Variants in ABCB1 observed in about 807,000 individuals in gnomAD.
ABCB1 encodes ATP binding cassette subfamily B member 1.
ABCB1 carries 69 observed loss-of-function variants against 142.0 expected under a neutral mutation model. That is an observed-to-expected ratio of 0.49 (90% CI 0.40 to 0.59). The LOEUF is 0.59. Ranked by LOEUF, ABCB1 falls within the 20% of genes least tolerant of loss-of-function variation. The pLI is 0.00. For synonymous variants in ABCB1, 532 were observed against 539.2 expected, an observed-to-expected ratio of 0.99 and a Z score of 0.18; for missense variants, 1,326 against 1,554.7, an observed-to-expected ratio of 0.85 and a Z score of 2.47.
chr7:87,518,146 C>T (rs2117091353), intron 23 of ABCB1, among the ~76,000 whole-genome samples: 1 of 152,236 alleles, frequency 6.6e-6, no homozygotes, highest in East Asian at 1.9e-4. Context: ...GACTCTATGC[C>T]TATGTTTGTG....
chr7:87,578,780 G>A (rs1383828054), intron 4 of ABCB1, among the ~76,000 whole-genome samples: 14 of 143,622 alleles, frequency 9.7e-5, no homozygotes, highest in African/African-American at 2.3e-4. Flanking sequence ...TGCAAGCTCC[G>A]CCTCCCGGGT....
At chr7:87,602,722 A>G (rs534612692), upstream of ABCB1, among the ~76,000 whole-genome samples, 1 of 152,326 alleles carries the variant, frequency 6.6e-6, no homozygotes, top group African/African-American at 2.4e-5. Context: ...GATCAGAATA[A>G]CACAGATTTT....
chr7:87,593,374 AG>A (rs1218016656), intron 3 of ABCB1, among the ~76,000 whole-genome samples: 71 of 152,352 alleles, frequency 4.7e-4, no homozygotes, highest in African/African-American at 1.7e-3. Flanking sequence ...TTAAAAGGCT[AG>A]TATAGAATTT....
intron 1 of ABCB1, chr7:87,709,563 T>G (rs912494597): frequency 1.2e-5 from 12 of 967,286 alleles, no homozygotes; most frequent in Non-Finnish European, 1.5e-5. Context: ...TTCTTCCCAG[T>G]AGTACTGCTG....
chr7:87,589,837 GGAGA>G (rs1818920616), intron 3 of ABCB1, among the ~76,000 whole-genome samples: 1 of 84,990 alleles, frequency 1.2e-5, no homozygotes, highest in Non-Finnish European at 2.2e-5. Context: ...AGAGAGAGAG[GGAGA>G]GAGGGAGGGA....
rs1488739056 is a variant in ABCB1, at chr7:87,626,116, CAT to C, written c.-330-25040_-330-25039del. Among the ~76,000 whole-genome samples the C allele has an allele frequency of 6.2e-5, 8 of 128,412 alleles. 1 individual carries two copies. The highest frequency in any genetic ancestry group is 1.0e-4 in the Non-Finnish European group (6 of 60,060). 84.2% of individuals were successfully genotyped at this position (128,412 alleles called of 152,430 possible). ...TATATATATTGTCATATATATGTGT[CAT>C]ATATATTGTCATATATATGTGTCAT... On this transcript the variant is annotated intron_variant, in intron 1 of 28. Transcript: ENST00000265724.
rs753252358 is a variant in ABCB1 at position 87,564,691 on chromosome 7, T to A, written c.702+1379A>T. ...CATCCAAAGAATTTAAGAAATTTGT[T>A]TGAAATGATACCAAAAGTGTAATGC... On this transcript the variant is annotated intron_variant, in intron 7 of 27. Coordinates refer to ENST00000622132, the MANE Select transcript of ABCB1 (RefSeq NM_001348946.2). 4.9e-4 allele frequency among the ~76,000 whole-genome samples: 75 copies of A among 152,300 alleles called. 2 individuals are homozygous for A. The highest frequency in any genetic ancestry group is 3.4e-3 in the Middle Eastern group (1 of 294).
chr7:87,710,621 A>AT, intron 1 of ABCB1: 1 of 1,602,988 alleles, frequency 6.2e-7, no homozygotes, highest in Non-Finnish European at 8.5e-7. Context: ...ATCTGAATAC[A>AT]TCTCTACAGC....
chr7:87,592,629 C>T (rs556580626), intron 3 of ABCB1, among the ~76,000 whole-genome samples: 1 of 152,322 alleles, frequency 6.6e-6, no homozygotes, highest in Non-Finnish European at 1.5e-5. Context: ...TGAGTCTACC[C>T]TGCTTAGTAG....
chr7:87,684,479 T>C (rs1357202656), intron 1 of ABCB1, among the ~76,000 whole-genome samples: 1 of 152,078 alleles, frequency 6.6e-6, no homozygotes, highest in Non-Finnish European at 1.5e-5. Context: ...CTTATACGTA[T>C]AGATAAATAG....
chr7:87,657,201 C>T (rs544234815), intron 1 of ABCB1, among the ~76,000 whole-genome samples: 1 of 152,172 alleles, frequency 6.6e-6, no homozygotes, highest in African/African-American at 2.4e-5. Context: ...TAGTGGGTTG[C>T]CTGGATTTAC....
chr7:87,579,295 G>T (rs528797009), intron 4 of ABCB1, among the ~76,000 whole-genome samples: 1 of 151,960 alleles, frequency 6.6e-6, no homozygotes, highest in East Asian at 1.9e-4. Flanking sequence ...TCCTTGTCTT[G>T]TTCCAGATCT....
chr7:87,524,349 A>G (rs898132826), intron 21 of ABCB1, among the ~76,000 whole-genome samples: 3 of 152,322 alleles, frequency 2.0e-5, no homozygotes, highest in South Asian at 2.1e-4. Context: ...TATAAAAATG[A>G]TATATAGTCA....
At chr7:87,606,732 T>G (rs936031561) in intron 1 of ABCB1, among the ~76,000 whole-genome samples, 1 of 151,986 alleles carries the variant, frequency 6.6e-6, no homozygotes, top group Non-Finnish European at 1.5e-5. Context: ...GTGTCAAGAG[T>G]GATTATCTTT....
intron 1 of ABCB1, among the ~76,000 whole-genome samples, chr7:87,678,453 A>G (rs1301494810): frequency 6.6e-6 from 1 of 152,232 alleles, no homozygotes; most frequent in Admixed American, 6.5e-5. Flanking sequence ...TAGTGACTAT[A>G]AAGATACTAA....
At chr7:87,675,875 A>G (rs1826304337) in intron 1 of ABCB1, among the ~76,000 whole-genome samples, 1 of 152,182 alleles carries the variant, frequency 6.6e-6, no homozygotes, top group African/African-American at 2.4e-5. Flanking sequence ...CTTAACACCC[A>G]AAGTACAGGC....
chr7:87,551,130 T>A (rs1817049077), intron 9 of ABCB1, among the ~76,000 whole-genome samples: 1 of 152,034 alleles, frequency 6.6e-6, no homozygotes, highest in Non-Finnish European at 1.5e-5. Flanking sequence ...CAAGCAATCC[T>A]CCTGCCTCAG....
chr7:87,505,832 T>G (rs1010062324), intron 27 of ABCB1, 65 bp downstream of exon 27: 1 of 1,586,052 alleles, frequency 6.3e-7, no homozygotes, highest in East Asian at 2.2e-5. Flanking sequence ...TTCTTTACTA[T>G]GGAGAATACA....
intron 27 of ABCB1, 61 bp from the exon 28 acceptor site, chr7:87,504,510 T>G: frequency 6.3e-7 from 1 of 1,596,342 alleles, no homozygotes; most frequent in Non-Finnish European, 8.5e-7. Flanking sequence ...TCCTCTTCCA[T>G]AAAAAGCTCC....
Sources: gnomAD v4.1 joint callset for allele counts (sites outside exome capture counted in the v4.1 genomes callset) on GRCh38, gnomAD v4.1.1 for gene constraint, MANE v1.5 for transcripts, NCBI Gene and HGNC (gene_info 2026-07-23, HGNC 2026-07-21) for gene names.